Variants in HDAC4 observed in about 807,000 individuals in gnomAD.
HDAC4 encodes the protein histone deacetylase 4.
Under a neutral mutation model 135.1 loss-of-function variants are expected in HDAC4, and 16 were observed. The observed-to-expected ratio is 0.12, with a 90% CI of 0.08 to 0.18. HDAC4 has a LOEUF of 0.18. Ranked by LOEUF, HDAC4 falls within the 10% of genes least tolerant of loss-of-function variation. HDAC4 has a pLI of 1.00. For missense variants in HDAC4, 1,143 were observed against 1,511.8 expected, an observed-to-expected ratio of 0.76 and a Z score of 4.05; for synonymous variants, 685 against 653.4, an observed-to-expected ratio of 1.05 and a Z score of -0.74.
At chr2:239,293,832 T>C (rs1214678002) in intron 2 of HDAC4, among the ~76,000 whole-genome samples, 2 of 152,218 alleles carry the variant, frequency 1.3e-5, no homozygotes, top group Non-Finnish European at 2.9e-5. Flanking sequence ...GCGGATGGCA[T>C]AAAAACCTGA....
At chr2:239,120,639 T>C (rs3791435) in intron 12 of HDAC4, among the ~76,000 whole-genome samples, 98,590 of 118,508 alleles carry the variant, frequency 0.83, 39,624 homozygotes, top group South Asian at 0.9. Context: ...GGGGGAGGGG[T>C]GGGGGAGGAA....
intron 7 of HDAC4, among the ~76,000 whole-genome samples, chr2:239,153,621 A>T (rs535595502): frequency 6.6e-6 from 1 of 152,346 alleles, no homozygotes; most frequent in African/African-American, 2.4e-5. Flanking sequence ...ATGACTTTTT[A>T]AAAAACTGAT....
intron 2 of HDAC4, among the ~76,000 whole-genome samples, chr2:239,266,118 A>C (rs931420543): frequency 6.6e-6 from 1 of 152,214 alleles, no homozygotes; most frequent in African/African-American, 2.4e-5. Flanking sequence ...CTGAGACCAG[A>C]GGTGAACCAT....
At chr2:239,228,915 GC>G (rs1267794170) in intron 3 of HDAC4, among the ~76,000 whole-genome samples, 13 of 152,176 alleles carry the variant, frequency 8.5e-5, no homozygotes, top group African/African-American at 3.1e-4. Flanking sequence ...GCTGAGGTAG[GC>G]AGATCACTTG....
chr2:239,111,930 G>C (rs1182890230), intron 13 of HDAC4, among the ~76,000 whole-genome samples: 1 of 152,222 alleles, frequency 6.6e-6, no homozygotes, highest in Non-Finnish European at 1.5e-5. Flanking sequence ...CACAGGCTCT[G>C]CCTCCCAGGA....
rs758717341 is a variant in HDAC4, at chr2:239,190,026, A to C, written c.146T>G (p.Met49Arg). The change falls in exon 4 of 27, where the codon ATG (methionine) becomes AGG (arginine). Residue 49 changes from methionine (M) to arginine (R), a missense_variant. This residue lies in a region of HDAC4 where 247 missense variants were observed against 310.0 expected (regional missense o/e 0.80). Coordinates refer to ENST00000543185, the MANE Select transcript of HDAC4 (RefSeq NM_001378414.1). The part of the protein sequence containing the change: ...PLQVAPSAVP[M>R]DLRLDHQFSL... ...GAACTGGTGGTCCAGGCGCAGGTCC[A>C]TGGGCACTGCCGAGGGGGCCACTTG... 6.2e-7 allele frequency: 1 copy of C among 1,604,776 alleles called. No individual in the cohort carries two copies. Among genetic ancestry groups the C allele is most frequent in the South Asian group, 1.1e-5 (1 of 91,038 alleles).
chr2:239,155,930 T>A (rs995922874), intron 7 of HDAC4, among the ~76,000 whole-genome samples: 1 of 152,204 alleles, frequency 6.6e-6, no homozygotes, highest in African/African-American at 2.4e-5. Context: ...AGGCACTCCC[T>A]GGCCCCTGCC....
At chr2:239,284,164 C>T (rs1334941182) in intron 2 of HDAC4, among the ~76,000 whole-genome samples, 1 of 152,210 alleles carries the variant, frequency 6.6e-6, no homozygotes, top group Non-Finnish European at 1.5e-5. Context: ...TGAGAGGAGC[C>T]CAAGTGGTGT....
intron 1 of HDAC4, among the ~76,000 whole-genome samples, chr2:239,366,851 G>A (rs1175677573): frequency 7.3e-6 from 1 of 136,774 alleles, no homozygotes; most frequent in African/African-American, 3.7e-5. Context: ...CACCCCCAGG[G>A]CAGGTGACAA....
intron 2 of HDAC4, among the ~76,000 whole-genome samples, chr2:239,317,287 G>A (rs531078692): frequency 6.6e-6 from 1 of 152,270 alleles, no homozygotes; most frequent in East Asian, 1.9e-4. Context: ...TGGGCTGGAA[G>A]TGAACTGCCA....
At chr2:239,300,808 G>A (rs771118675) in intron 2 of HDAC4, among the ~76,000 whole-genome samples, 4 of 152,184 alleles carry the variant, frequency 2.6e-5, no homozygotes, top group Non-Finnish European at 5.9e-5. Flanking sequence ...ATAATTGCAC[G>A]CTGCGTGATG....
At chr2:239,344,468 T>C (rs557457391) in intron 2 of HDAC4, among the ~76,000 whole-genome samples, 5 of 152,304 alleles carry the variant, frequency 3.3e-5, no homozygotes, top group African/African-American at 1.2e-4. Context: ...TGACAGCGAA[T>C]TTTCTGAGCT....
chr2:239,275,566 G>A (rs906309181), intron 2 of HDAC4, among the ~76,000 whole-genome samples: 2 of 152,176 alleles, frequency 1.3e-5, no homozygotes, highest in African/African-American at 2.4e-5. Flanking sequence ...ATGCAGGGCC[G>A]CCACGAGGGG....
chr2:239,235,606 G>A (rs2047842631), intron 3 of HDAC4, among the ~76,000 whole-genome samples: 1 of 152,246 alleles, frequency 6.6e-6, no homozygotes, highest in East Asian at 1.9e-4. Context: ...TATTCTCGGA[G>A]AGGCTGCATG....
chr2:239,238,846 G>C (rs2048030016), intron 2 of HDAC4, among the ~76,000 whole-genome samples: 1 of 152,210 alleles, frequency 6.6e-6, no homozygotes, highest in African/African-American at 2.4e-5. Context: ...GTGTGTTTCA[G>C]ATCAAGGTGC....
chr2:239,138,895 A>C (rs1028603500), intron 9 of HDAC4, among the ~76,000 whole-genome samples: 1 of 152,200 alleles, frequency 6.6e-6, no homozygotes, highest in Non-Finnish European at 1.5e-5. Context: ...GCCTCCGAGT[A>C]TGGTCAGTGT....
chr2:239,345,421 G>A (rs72994541), intron 2 of HDAC4, among the ~76,000 whole-genome samples: 29,439 of 151,822 alleles, frequency 0.19, 3,070 homozygotes, highest in Non-Finnish European at 0.22. Context: ...GTGGTGGCAT[G>A]CAGAGGTGCA....
chr2:239,212,908 G>A (rs1458726289), intron 3 of HDAC4, among the ~76,000 whole-genome samples: 2 of 152,194 alleles, frequency 1.3e-5, no homozygotes, highest in African/African-American at 4.8e-5. Flanking sequence ...GGCCAGCCAG[G>A]ATCACCAAAC....
At chr2:239,059,755 G>C (rs2032398028) in intron 24 of HDAC4, among the ~76,000 whole-genome samples, 1 of 152,162 alleles carries the variant, frequency 6.6e-6, no homozygotes, top group African/African-American at 2.4e-5. Context: ...AGAGGACAGG[G>C]AGAACACTCC....
Sources: allele counts gnomAD v4.1 joint callset (sites outside exome capture counted in the v4.1 genomes callset), GRCh38; gene constraint gnomAD v4.1.1; regional missense constraint gnomAD v4.1.1; transcripts MANE v1.5; gene names NCBI Gene and HGNC (gene_info 2026-07-23, HGNC 2026-07-21).